Variants in KCNQ3 observed in about 807,000 individuals in gnomAD.
The protein encoded by KCNQ3 is potassium voltage-gated channel subfamily Q member 3.
KCNQ3 carries 30 observed loss-of-function variants against 92.5 expected under a neutral mutation model. The ratio of observed to expected loss-of-function variants is 0.32; its 90% CI spans 0.24 to 0.44. The LOEUF (loss-of-function observed/expected upper bound fraction) is 0.44. Ranked by LOEUF, KCNQ3 falls within the 20% of genes least tolerant of loss-of-function variation. The probability of loss-of-function intolerance (pLI) is 1.00; values close to 1 mark genes in which losing one functional copy is unlikely to be tolerated. For missense variants in KCNQ3, 913 were observed against 1,140.3 expected, an observed-to-expected ratio of 0.80 and a Z score of 2.87; for synonymous variants, 450 against 468.8, an observed-to-expected ratio of 0.96 and a Z score of 0.52.
chr8:132,212,035 C>T (rs1813877642), intron 1 of KCNQ3, among the ~76,000 whole-genome samples: 1 of 151,770 alleles, frequency 6.6e-6, no homozygotes, highest in African/African-American at 2.4e-5. Flanking sequence ...CTGGCCTTCA[C>T]CTCTCACTTC....
At chr8:132,458,558 G>C (rs1821994970) in intron 1 of KCNQ3, among the ~76,000 whole-genome samples, 1 of 152,208 alleles carries the variant, frequency 6.6e-6, no homozygotes, top group South Asian at 2.1e-4. Flanking sequence ...GGGTTCAAGT[G>C]ATTTTCCTGC....
At chr8:132,168,828 G>C (rs892044171) in intron 8 of KCNQ3, among the ~76,000 whole-genome samples, 4 of 148,334 alleles carry the variant, frequency 2.7e-5, no homozygotes, top group African/African-American at 1.0e-4. Context: ...CTATCTAGTA[G>C]CATTGGGTTA....
At chr8:132,195,294 A>G (rs192670000) in intron 1 of KCNQ3, among the ~76,000 whole-genome samples, 2 of 152,380 alleles carry the variant, frequency 1.3e-5, no homozygotes, top group East Asian at 1.9e-4. Context: ...AAATGATTCC[A>G]TCTCTTAATA....
At chr8:132,356,880 A>G (rs1442356728) in intron 1 of KCNQ3, among the ~76,000 whole-genome samples, 1 of 152,236 alleles carries the variant, frequency 6.6e-6, no homozygotes, top group Non-Finnish European at 1.5e-5. Flanking sequence ...CATGACAGAA[A>G]GGCTACAGAG....
chr8:132,128,840 C>A lies in KCNQ3; in HGVS notation c.*422G>T. ...TTTCAAAAACAGTTAATTGCTGGAGCGTTTTACACAAGAGGGCAGTGATCC... is the reference window on the plus strand; with the variant it reads ...TTTCAAAAACAGTTAATTGCTGGAGAGTTTTACACAAGAGGGCAGTGATCC... On this transcript the variant is annotated 3_prime_UTR_variant, in exon 15 of 15. Transcript: ENST00000388996. 1 of 184,132 alleles carries A rather than the reference C, an allele frequency of 5.4e-6. No individual in the cohort carries two copies. Among genetic ancestry groups the A allele is most frequent in the Non-Finnish European group, 1.2e-5 (1 of 86,536 alleles). 11.4% of individuals were successfully genotyped at this position (184,132 alleles called of 1,614,324 possible).
chr8:132,291,633 T>C (rs1399281902), intron 1 of KCNQ3, among the ~76,000 whole-genome samples: 5 of 152,228 alleles, frequency 3.3e-5, no homozygotes, highest in Admixed American at 6.5e-5. Context: ...ATTTTACTTA[T>C]GATAAAATCC....
At chr8:132,151,311 T>C (rs1222151553) in intron 9 of KCNQ3, among the ~76,000 whole-genome samples, 1 of 152,226 alleles carries the variant, frequency 6.6e-6, no homozygotes, top group Non-Finnish European at 1.5e-5. Flanking sequence ...TAGATTTATG[T>C]GCAAGGCGTG....
intron 1 of KCNQ3, among the ~76,000 whole-genome samples, chr8:132,369,573 G>GCACACA (rs3049658): frequency 4.7e-5 from 7 of 148,142 alleles, no homozygotes; most frequent in Non-Finnish European, 7.5e-5. Flanking sequence ...TGCTCAAACA[G>GCACACA]CACACACACA....
intron 1 of KCNQ3, among the ~76,000 whole-genome samples, chr8:132,237,844 TC>T (rs1563819099): frequency 1.3e-5 from 2 of 152,098 alleles, no homozygotes; most frequent in Non-Finnish European, 2.9e-5. Flanking sequence ...AACTAGAGCA[TC>T]CCATGGTATT....
In KCNQ3 at chr8:132,132,998, C is replaced by T. The variant is rs545586299; in HGVS notation, c.1800-734G>A. Among the ~76,000 whole-genome samples, 41 of 152,282 alleles carry T rather than the reference C, an allele frequency of 2.7e-4. 1 individual carries two copies. The South Asian group carries it at 4.6e-3, about 17-fold the overall frequency. On this transcript the variant is annotated intron_variant, in intron 13 of 14. Coordinates refer to ENST00000388996, the MANE Select transcript of KCNQ3 (RefSeq NM_004519.4). ...TGCTTAGTAGGATAGTCTTTGGCTGCGAAGCCCTAAATTTTAAAAAGATGT... is the reference window on the plus strand; with the variant it reads ...TGCTTAGTAGGATAGTCTTTGGCTGTGAAGCCCTAAATTTTAAAAAGATGT...
At chr8:132,474,458 T>A (rs9987406) in intron 1 of KCNQ3, among the ~76,000 whole-genome samples, 10,225 of 152,120 alleles carry the variant, frequency 0.067, 818 homozygotes, top group African/African-American at 0.2. Flanking sequence ...AGAGAAGTGA[T>A]CACCCTCACT....
chr8:132,305,433 C>T (rs1236516550), intron 1 of KCNQ3, among the ~76,000 whole-genome samples: 2 of 152,230 alleles, frequency 1.3e-5, no homozygotes, highest in Non-Finnish European at 2.9e-5. Flanking sequence ...CACAATCTTA[C>T]AAGTACCTTC....
At chr8:132,249,506 C>T (rs1340427485) in intron 1 of KCNQ3, among the ~76,000 whole-genome samples, 1 of 149,316 alleles carries the variant, frequency 6.7e-6, no homozygotes. Flanking sequence ...GAGCTAGACA[C>T]AGAGTGCTGA....
At chr8:132,260,705 T>G (rs1031959875) in intron 1 of KCNQ3, among the ~76,000 whole-genome samples, 2 of 152,162 alleles carry the variant, frequency 1.3e-5, no homozygotes, top group Admixed American at 1.3e-4. Flanking sequence ...GTTCTCTGCT[T>G]GGAACCGCCT....
chr8:132,370,331 T>C (rs1211616715), intron 1 of KCNQ3, among the ~76,000 whole-genome samples: 4 of 152,212 alleles, frequency 2.6e-5, no homozygotes, highest in Admixed American at 6.5e-5. Context: ...AATGAATGAA[T>C]GAGCAATTGA....
intron 1 of KCNQ3, among the ~76,000 whole-genome samples, chr8:132,317,597 G>T (rs987681740): frequency 7.9e-5 from 12 of 152,164 alleles, no homozygotes; most frequent in African/African-American, 2.9e-4. Context: ...GCTCTTTGAT[G>T]GCTCATTTTA....
chr8:132,374,197 G>C (rs1048185175), intron 1 of KCNQ3, among the ~76,000 whole-genome samples: 1 of 152,132 alleles, frequency 6.6e-6, no homozygotes, highest in Non-Finnish European at 1.5e-5. Context: ...TGTTGTCAGG[G>C]AAGCCACTTG....
At position 132,172,592 on chromosome 8, in the gene KCNQ3, A is replaced by G; in HGVS notation, c.1140+6T>C. 1 of 1,612,522 alleles carries G rather than the reference A, an allele frequency of 6.2e-7. No homozygotes were observed. Among genetic ancestry groups the G allele is most frequent in the Non-Finnish European group, 8.5e-7 (1 of 1,178,560 alleles). ...CCCATTCCAGTTCATTCCCAGGCAG[A>G]CAGACCTGAATGAGCTCAGCAGCTG... is the stretch of plus-strand genomic sequence containing the variant. On this transcript the variant is annotated splice_donor_region_variant and intron_variant, in intron 7 of 14. Transcript: ENST00000388996.
rs550262250 is a variant in KCNQ3 at position 132,477,468 on chromosome 8, T to C, written c.386+2679A>G. On this transcript the variant is annotated intron_variant, in intron 1 of 14. Coordinates refer to ENST00000388996, the MANE Select transcript of KCNQ3 (RefSeq NM_004519.4). ...ATAATGGATGCTTGAAAACATAAAT[T>C]TCAATGCAAAATCCTGAATCATCAA... Among the ~76,000 whole-genome samples, 16 of 152,272 alleles carry C rather than the reference T, an allele frequency of 1.1e-4. No homozygotes were observed. In the East Asian group the frequency reaches 2.9e-3, roughly 28 times the overall value.
Sources: gnomAD v4.1 joint callset for allele counts (sites outside exome capture counted in the v4.1 genomes callset) on GRCh38, gnomAD v4.1.1 for gene constraint, MANE v1.5 for transcripts, NCBI Gene and HGNC (gene_info 2026-07-23, HGNC 2026-07-21) for gene names.